CTNNA2: variants seen among roughly 807,000 people sequenced by gnomAD.
CTNNA2 encodes catenin alpha 2.
Under a neutral mutation model 101.0 loss-of-function variants are expected in CTNNA2, and 42 were observed. The ratio of observed to expected loss-of-function variants is 0.42; its 90% CI spans 0.32 to 0.54. CTNNA2 has a LOEUF of 0.54. Ranked by LOEUF, CTNNA2 falls within the 20% of genes least tolerant of loss-of-function variation. CTNNA2 has a pLI of 0.14. For missense variants in CTNNA2, 871 were observed against 1,223.1 expected, an observed-to-expected ratio of 0.71 and a Z score of 4.29; for synonymous variants, 450 against 456.4, an observed-to-expected ratio of 0.99 and a Z score of 0.18.
intron 3 of CTNNA2, among the ~76,000 whole-genome samples, chr2:79,334,687 T>C (rs1676954597): frequency 6.6e-6 from 1 of 152,118 alleles, no homozygotes; most frequent in Admixed American, 6.6e-5. Context: ...ATATGTTTCA[T>C]AGAGAGGGCG....
chr2:79,534,300 A>G (rs1260427679), intron 1 of CTNNA2, among the ~76,000 whole-genome samples: 2 of 152,166 alleles, frequency 1.3e-5, no homozygotes, highest in African/African-American at 4.8e-5. Flanking sequence ...CAGTTTAGAA[A>G]TGAACACCGT....
intron 4 of CTNNA2, among the ~76,000 whole-genome samples, chr2:79,492,349 T>C (rs903254121): frequency 2.0e-5 from 3 of 151,878 alleles, no homozygotes; most frequent in African/African-American, 4.8e-5. Flanking sequence ...TTCATAAAGT[T>C]ATTTATTGCA....
chr2:80,451,526 CT>C (rs1683504530), intron 9 of CTNNA2, among the ~76,000 whole-genome samples: 1 of 152,136 alleles, frequency 6.6e-6, no homozygotes, highest in African/African-American at 2.4e-5. Flanking sequence ...ACACTGACCC[CT>C]GGCCTCATGT....
chr2:79,298,018 G>A (rs556721805), intron 2 of CTNNA2, among the ~76,000 whole-genome samples: 7 of 152,228 alleles, frequency 4.6e-5, no homozygotes, highest in South Asian at 2.1e-4. Context: ...AAACCAATGC[G>A]TCATTATCAT....
chr2:80,095,398 A>G (rs1280081547), intron 7 of CTNNA2, among the ~76,000 whole-genome samples: 15 of 152,108 alleles, frequency 9.9e-5, no homozygotes, highest in Admixed American at 5.2e-4. Context: ...TGCTGGATTC[A>G]GTTTGCCAGT....
chr2:79,957,052 TG>T (rs1218202943), intron 7 of CTNNA2, among the ~76,000 whole-genome samples: 3 of 151,938 alleles, frequency 2.0e-5, no homozygotes, highest in Non-Finnish European at 4.4e-5. Context: ...GATCCTCTTC[TG>T]TAACTTCAGT....
At chr2:79,265,618 G>A (rs1674977526) in intron 2 of CTNNA2, among the ~76,000 whole-genome samples, 1 of 152,166 alleles carries the variant, frequency 6.6e-6, no homozygotes, top group African/African-American at 2.4e-5. Flanking sequence ...GAGGCTTGAG[G>A]CATCTCAAAG....
intron 1 of CTNNA2, among the ~76,000 whole-genome samples, chr2:79,626,640 TGTG>T (rs1679328296): frequency 6.9e-6 from 1 of 145,616 alleles, no homozygotes; most frequent in Non-Finnish European, 1.6e-5. Flanking sequence ...TGTGTGTGTG[TGTG>T]TGTGTGTGTG....
intron 8 of CTNNA2, among the ~76,000 whole-genome samples, chr2:80,401,968 A>C (rs1023542687): frequency 6.6e-6 from 1 of 152,166 alleles, no homozygotes; most frequent in African/African-American, 2.4e-5. Flanking sequence ...GATTTCATAG[A>C]CTAAGGGCTC....
intron 2 of CTNNA2, among the ~76,000 whole-genome samples, chr2:79,722,511 T>C (rs1480975230): frequency 2.0e-5 from 3 of 152,194 alleles, no homozygotes; most frequent in Non-Finnish European, 4.4e-5. Context: ...CTGACAGATC[T>C]CACAGGATCT....
At chr2:79,515,279 C>T (rs749551508) in intron 1 of CTNNA2, among the ~76,000 whole-genome samples, 36 of 152,156 alleles carry the variant, frequency 2.4e-4, no homozygotes, top group Non-Finnish European at 4.6e-4. Context: ...TGTTGGTGTT[C>T]CTTTCCCTAG....
At chr2:79,941,344 A>T (rs1688146214) in intron 7 of CTNNA2, among the ~76,000 whole-genome samples, 1 of 151,784 alleles carries the variant, frequency 6.6e-6, no homozygotes, top group South Asian at 2.1e-4. Context: ...GACTCTGGCC[A>T]CTCCCTCTCT....
At chr2:79,507,499 A>G (rs931570902) in intron 5 of CTNNA2, among the ~76,000 whole-genome samples, 12 of 152,132 alleles carry the variant, frequency 7.9e-5, no homozygotes, top group African/African-American at 2.7e-4. Flanking sequence ...AAGATAATGC[A>G]GCAAGAACGC....
At chr2:79,247,069 T>C (rs1216469821) in intron 2 of CTNNA2, among the ~76,000 whole-genome samples, 1 of 152,192 alleles carries the variant, frequency 6.6e-6, no homozygotes, top group African/African-American at 2.4e-5. Flanking sequence ...AGATGTAGCA[T>C]GGCATGCTCA....
At chr2:80,624,752 G>A (rs975450672) in intron 18 of CTNNA2, among the ~76,000 whole-genome samples, 4 of 151,878 alleles carry the variant, frequency 2.6e-5, no homozygotes, top group African/African-American at 9.7e-5. Flanking sequence ...CTTCTCTTGG[G>A]TATAGATACT....
At chr2:79,319,986 T>C (rs540263385) in intron 3 of CTNNA2, 1 of 152,290 alleles carries the variant, frequency 6.6e-6, no homozygotes, top group East Asian at 1.9e-4. Flanking sequence ...TAGCACTACC[T>C]CTCAGTATCT....
chr2:79,574,359 C>T (rs1171881197), intron 1 of CTNNA2, among the ~76,000 whole-genome samples: 1 of 152,084 alleles, frequency 6.6e-6, no homozygotes, highest in Non-Finnish European at 1.5e-5. Context: ...TCAGTCCTCA[C>T]CCCCCTTCCA....
At chr2:80,048,576 A>G (rs984979515) in intron 7 of CTNNA2, among the ~76,000 whole-genome samples, 1 of 152,232 alleles carries the variant, frequency 6.6e-6, no homozygotes, top group African/African-American at 2.4e-5. Context: ...ACTCTTGTAT[A>G]GCAAATATAT....
intron 7 of CTNNA2, among the ~76,000 whole-genome samples, chr2:80,358,450 AAG>A (rs1674066507): frequency 6.7e-6 from 1 of 149,108 alleles, no homozygotes; most frequent in Non-Finnish European, 1.5e-5. Context: ...TCCCAGGTTC[AAG>A]CAATTCTCCT....
Sources: gnomAD v4.1 joint callset for allele counts (sites outside exome capture counted in the v4.1 genomes callset) on GRCh38, gnomAD v4.1.1 for gene constraint, MANE v1.5 for transcripts, NCBI Gene and HGNC (gene_info 2026-07-23, HGNC 2026-07-21) for gene names.